The following PHACTR1 variants were observed in gnomAD, a reference collection of about 807,000 sequenced individuals.
The protein encoded by PHACTR1 is RPEL repeat containing 1.
PHACTR1 carries 16 observed loss-of-function variants against 69.2 expected under a neutral mutation model. The ratio of observed to expected loss-of-function variants is 0.23; its 90% CI spans 0.16 to 0.35. PHACTR1 has a LOEUF of 0.35. Ranked by LOEUF, PHACTR1 falls within the 10% of genes least tolerant of loss-of-function variation. The pLI is 1.00. For synonymous variants in PHACTR1, 312 were observed against 284.5 expected (o/e 1.10, Z -0.97); for missense variants, 510 against 734.7 (o/e 0.69, Z 3.54).
intron 5 of PHACTR1, among the ~76,000 whole-genome samples, chr6:13,155,818 G>T (rs1238514241): frequency 1.3e-5 from 2 of 151,974 alleles, no homozygotes; most frequent in African/African-American, 4.8e-5. Flanking sequence ...AACCCAGGAG[G>T]CAGAGGTTGG....
chr6:12,941,705 C>T (rs73364131), intron 4 of PHACTR1, among the ~76,000 whole-genome samples: 3,891 of 152,082 alleles, frequency 0.026, 170 homozygotes, highest in African/African-American at 0.088. Context: ...AGGCGAGCCT[C>T]GAAGCAGCAT....
intron 12 of PHACTR1, among the ~76,000 whole-genome samples, chr6:13,281,961 G>A (rs1308811594): frequency 6.6e-6 from 1 of 152,256 alleles, no homozygotes; most frequent in Non-Finnish European, 1.5e-5. Context: ...GCCTTTGGCT[G>A]AGAGGGAGCT....
chr6:13,049,638 A>G (rs7750023), intron 4 of PHACTR1, among the ~76,000 whole-genome samples: 44,016 of 152,136 alleles, frequency 0.29, 7,244 homozygotes, highest in African/African-American at 0.45. Flanking sequence ...TGCTTCTACC[A>G]GGAGTATTTC....
At chr6:12,888,987 G>A (rs1008425643) in intron 4 of PHACTR1, among the ~76,000 whole-genome samples, 9 of 152,180 alleles carry the variant, frequency 5.9e-5, no homozygotes, top group Admixed American at 5.2e-4. Context: ...AGTCAATGGG[G>A]TAAGGCCAGG....
chr6:12,720,432 A>C (rs189381842), intron 3 of PHACTR1, among the ~76,000 whole-genome samples: 299 of 152,344 alleles, frequency 2.0e-3, no homozygotes, highest in Non-Finnish European at 3.5e-3. Context: ...GAAGGAAAGC[A>C]GGCAGTGTGT....
In PHACTR1 at chr6:13,116,349, C is replaced by T. The variant is rs1014872359; in HGVS notation, c.416-43855C>T. Among the ~76,000 whole-genome samples, 3 of 152,204 alleles carry T rather than the reference C, an allele frequency of 2.0e-5. 1 individual carries two copies. Among genetic ancestry groups the T allele is most frequent in the South Asian group, 4.1e-4 (2 of 4,830 alleles). On this transcript the variant is annotated intron_variant, in intron 5 of 14. Coordinates refer to ENST00000332995, the MANE Select transcript of PHACTR1 (RefSeq NM_030948.6). The stretch of plus-strand genomic sequence containing the variant: ...AAGTGAGAAGCATTGCATGTAAGTG[C>T]AATTATGAAGTGAGAGCAATGTCAA...
At chr6:12,768,350 G>T (rs948630149) in intron 4 of PHACTR1, among the ~76,000 whole-genome samples, 1 of 152,004 alleles carries the variant, frequency 6.6e-6, no homozygotes, top group Admixed American at 6.6e-5. Flanking sequence ...TCCTGACCTC[G>T]TGATCCGCCC....
chr6:12,758,304 T>TG (rs1767600461), intron 4 of PHACTR1, among the ~76,000 whole-genome samples: 1 of 151,268 alleles, frequency 6.6e-6, no homozygotes, highest in South Asian at 2.1e-4. Context: ...TTAGCCGGTG[T>TG]GGGGGCACAC....
intron 4 of PHACTR1, among the ~76,000 whole-genome samples, chr6:12,935,616 A>G (rs1789358294): frequency 6.6e-6 from 1 of 150,488 alleles, no homozygotes; most frequent in South Asian, 2.1e-4. Context: ...TATGTTATTT[A>G]TGGTATGCCC....
chr6:12,795,504 A>G (rs1456209301), intron 4 of PHACTR1, among the ~76,000 whole-genome samples: 1 of 152,208 alleles, frequency 6.6e-6, no homozygotes, highest in East Asian at 1.9e-4. Context: ...TGATTCACCA[A>G]TGAGTTGGGA....
chr6:13,003,985 A>ATATG, intron 4 of PHACTR1, among the ~76,000 whole-genome samples: 1 of 136,758 alleles, frequency 7.3e-6, no homozygotes, highest in African/African-American at 3.0e-5. Flanking sequence ...ATATACACAT[A>ATATG]TATATATATC....
intron 4 of PHACTR1, among the ~76,000 whole-genome samples, chr6:12,937,519 C>G (rs1173925956): frequency 1.3e-5 from 2 of 152,072 alleles, no homozygotes; most frequent in Admixed American, 1.3e-4. Flanking sequence ...TCCCTAGCCT[C>G]AGAGGGCTTA....
At chr6:13,238,732 T>C (rs1772374604) in intron 10 of PHACTR1, among the ~76,000 whole-genome samples, 1 of 152,142 alleles carries the variant, frequency 6.6e-6, no homozygotes, top group South Asian at 2.1e-4. Flanking sequence ...TGCCAAATAG[T>C]GTCTCCCCAG....
At chr6:13,210,868 C>T (rs1027671368) in intron 8 of PHACTR1, among the ~76,000 whole-genome samples, 3 of 150,688 alleles carry the variant, frequency 2.0e-5, no homozygotes, top group Non-Finnish European at 4.4e-5. Context: ...ATTCCCCTCA[C>T]CCTGGTGAGC....
rs771419168 is a variant in PHACTR1, at chr6:12,992,050, G to A, written c.251-61315G>A. Among the ~76,000 whole-genome samples the A allele has an allele frequency of 4.7e-5, 7 of 150,438 alleles. No individual in the cohort carries two copies. The East Asian group carries it at 5.8e-4, about 13-fold the overall frequency. Reference sequence around the variant, plus strand: ...AACACACACATTGTTATTTTACCACGTCCCAAAGTTAAACCACTGACTTAA... The same window carrying A: ...AACACACACATTGTTATTTTACCACATCCCAAAGTTAAACCACTGACTTAA... On this transcript the variant is annotated intron_variant, in intron 4 of 14. Coordinates refer to ENST00000332995, the MANE Select transcript of PHACTR1 (RefSeq NM_030948.6).
intron 4 of PHACTR1, among the ~76,000 whole-genome samples, chr6:12,962,458 G>A (rs11755825): frequency 0.25 from 37,386 of 152,044 alleles, 6,104 homozygotes; most frequent in African/African-American, 0.46. Flanking sequence ...TCTTGTTTTA[G>A]GAATTGATCA....
At chr6:12,792,464 CAAAAAAA>C (rs60942588) in intron 4 of PHACTR1, among the ~76,000 whole-genome samples, 29 of 31,396 alleles carry the variant, frequency 9.2e-4, no homozygotes, top group East Asian at 3.7e-3. Context: ...AACTCCATGT[CAAAAAAA>C]AAAAAAAAAA....
intron 5 of PHACTR1, among the ~76,000 whole-genome samples, chr6:13,091,061 G>A (rs897285616): frequency 6.6e-6 from 1 of 152,160 alleles, no homozygotes; most frequent in East Asian, 1.9e-4. Flanking sequence ...GCCCAGGCTG[G>A]AGTGCAATGG....
intron 5 of PHACTR1, among the ~76,000 whole-genome samples, chr6:13,091,645 A>T (rs545894738): frequency 3.3e-5 from 5 of 152,154 alleles, no homozygotes; most frequent in Admixed American, 2.6e-4. Context: ...ACAACTCACC[A>T]TAATGTAGAA....
Sources: gnomAD v4.1 joint callset for allele counts (sites outside exome capture counted in the v4.1 genomes callset) on GRCh38, gnomAD v4.1.1 for gene constraint, MANE v1.5 for transcripts, NCBI Gene and HGNC (gene_info 2026-07-23, HGNC 2026-07-21) for gene names.